The following RGS6 variants were observed in gnomAD, a reference collection of about 807,000 sequenced individuals.
RGS6 encodes the protein regulator of G protein signaling 6, also known as regulator of G-protein signaling 6.
Under a neutral mutation model 78.5 loss-of-function variants are expected in RGS6, and 30 were observed. The observed-to-expected ratio is 0.38, with a 90% confidence interval of 0.29 to 0.52. The LOEUF (loss-of-function observed/expected upper bound fraction) is 0.52, where lower values mean the gene tolerates loss of function less well. RGS6 is among the 20% of genes least tolerant of loss of function. The probability of loss-of-function intolerance (pLI) is 0.85; values close to 1 mark genes in which losing one functional copy is unlikely to be tolerated. For synonymous variants in RGS6, 206 were observed against 206.0 expected, an observed-to-expected ratio of 1.00 and a Z score of 0.00; for missense variants, 495 against 609.7, an observed-to-expected ratio of 0.81 and a Z score of 1.98.
intron 2 of RGS6, among the ~76,000 whole-genome samples, chr14:72,265,157 A>C (rs1238685378): frequency 4.6e-5 from 7 of 152,178 alleles, no homozygotes; most frequent in Non-Finnish European, 2.9e-5. Context: ...GTGTATGTGA[A>C]ATGTCCTAAT....
intron 13 of RGS6, among the ~76,000 whole-genome samples, chr14:72,506,984 TAAAAAAAAAAAAAAAAAAA>T (rs71109738): frequency 1.6e-3 from 88 of 54,408 alleles, no homozygotes; most frequent in Admixed American, 5.4e-3. Flanking sequence ...CTGTCTCTAC[TAAAAAAAAAAAAAAAAAAA>T]AAAAAAAAAA....
intron 3 of RGS6, among the ~76,000 whole-genome samples, chr14:72,394,090 A>G (rs149132622): frequency 1.3e-5 from 2 of 152,152 alleles, no homozygotes; most frequent in South Asian, 2.1e-4. Context: ...GCTATCATTT[A>G]TCAGGGGAAC....
the RGS6 span, among the ~76,000 whole-genome samples, chr14:71,921,866 G>A: frequency 6.6e-6 from 1 of 152,220 alleles, no homozygotes; most frequent in African/African-American, 2.4e-5. Context: ...CCATGGGCTT[G>A]TATCAGGATA....
intron 2 of RGS6, among the ~76,000 whole-genome samples, chr14:72,270,810 A>G (rs2059821409): frequency 6.6e-6 from 1 of 152,214 alleles, no homozygotes; most frequent in Admixed American, 6.5e-5. Context: ...TCATTCTGCC[A>G]CAAAAAACTT....
At chr14:71,926,889 C>A in the RGS6 span, among the ~76,000 whole-genome samples, 1 of 152,292 alleles carries the variant, frequency 6.6e-6, no homozygotes, top group Middle Eastern at 3.4e-3. Context: ...AGTATATTCT[C>A]TGCTTATTTA....
the RGS6 span, among the ~76,000 whole-genome samples, chr14:72,624,619 G>A: frequency 1.3e-5 from 2 of 152,148 alleles, no homozygotes; most frequent in Non-Finnish European, 2.9e-5. Flanking sequence ...GATTACAGGC[G>A]TGAGCCACCA....
chr14:72,179,748 A>C (rs754892303), intron 2 of RGS6, among the ~76,000 whole-genome samples: 1 of 149,240 alleles, frequency 6.7e-6, no homozygotes, highest in Middle Eastern at 3.4e-3. Context: ...AGTGATTCTC[A>C]AAGTGTGGTC....
At chr14:72,414,455 T>C (rs1471476878) in intron 3 of RGS6, among the ~76,000 whole-genome samples, 7 of 152,204 alleles carry the variant, frequency 4.6e-5, no homozygotes, top group Admixed American at 3.3e-4. Flanking sequence ...TTATTCTAGT[T>C]AGTCATTCTT....
intron 4 of RGS6, among the ~76,000 whole-genome samples, chr14:72,455,183 A>C (rs2095599870): frequency 6.6e-6 from 1 of 152,184 alleles, no homozygotes; most frequent in Non-Finnish European, 1.5e-5. Context: ...ATAAAAATTC[A>C]AGATAAGTAA....
At chr14:72,453,781 A>C (rs1181334328) in intron 3 of RGS6, among the ~76,000 whole-genome samples, 2 of 151,880 alleles carry the variant, frequency 1.3e-5, no homozygotes, top group Non-Finnish European at 2.9e-5. Flanking sequence ...CATGGGCGTA[A>C]TGTCCATGGT....
intron 13 of RGS6, among the ~76,000 whole-genome samples, chr14:72,495,470 C>A (rs182876745): frequency 6.6e-6 from 1 of 152,272 alleles, no homozygotes; most frequent in Admixed American, 6.5e-5. Flanking sequence ...TCCCCTCTGA[C>A]CCTTTGGATA....
chr14:72,225,958 T>C (rs2238229), intron 2 of RGS6, among the ~76,000 whole-genome samples: 14,741 of 152,204 alleles, frequency 0.097, 990 homozygotes, highest in East Asian at 0.3. Flanking sequence ...GCCATTAACA[T>C]TTGGGATTTT....
At chr14:72,625,216 C>T in the RGS6 span, among the ~76,000 whole-genome samples, 2 of 152,184 alleles carry the variant, frequency 1.3e-5, no homozygotes, top group African/African-American at 4.8e-5. Context: ...TTTCCCTCTA[C>T]ATTTACTCAT....
intron 13 of RGS6, among the ~76,000 whole-genome samples, chr14:72,500,363 T>C (rs1463187268): frequency 6.6e-6 from 1 of 152,214 alleles, no homozygotes; most frequent in South Asian, 2.1e-4. Flanking sequence ...ACTTAGTTGC[T>C]GGCAGTGATG....
intron 3 of RGS6, among the ~76,000 whole-genome samples, chr14:72,400,203 C>T (rs1259318120): frequency 6.6e-6 from 1 of 152,186 alleles, no homozygotes; most frequent in African/African-American, 2.4e-5. Context: ...CAGAAACTCT[C>T]TAAGCCAGAA....
At chr14:72,214,206 C>T (rs2044969388) in intron 2 of RGS6, among the ~76,000 whole-genome samples, 1 of 145,562 alleles carries the variant, frequency 6.9e-6, no homozygotes, top group Non-Finnish European at 1.5e-5. Flanking sequence ...ACTGGGGTCT[C>T]ACTCTGTCAC....
At chr14:72,584,605 G>T in the RGS6 span, among the ~76,000 whole-genome samples, 1 of 152,220 alleles carries the variant, frequency 6.6e-6, no homozygotes, top group African/African-American at 2.4e-5. Context: ...CTCAAAGGCA[G>T]TTGGGGATGG....
chr14:72,296,491 T>C (rs2064849855), intron 2 of RGS6, among the ~76,000 whole-genome samples: 2 of 152,236 alleles, frequency 1.3e-5, no homozygotes, highest in African/African-American at 4.8e-5. Context: ...TTGCCAACAC[T>C]TAATATTATC....
chr14:72,491,941 C>A (rs2096583577), intron 12 of RGS6, among the ~76,000 whole-genome samples: 1 of 152,322 alleles, frequency 6.6e-6, no homozygotes, highest in African/African-American at 2.4e-5. Flanking sequence ...TTCCCACCTA[C>A]CACCACTGCA....
Sources: gnomAD v4.1 joint callset for allele counts (sites outside exome capture counted in the v4.1 genomes callset) on GRCh38, gnomAD v4.1.1 for gene constraint, MANE v1.5 for transcripts, NCBI Gene and HGNC (gene_info 2026-07-23, HGNC 2026-07-21) for gene names.